The following UNC79 variants were observed in gnomAD, a reference collection of about 807,000 sequenced individuals.
UNC79 encodes protein unc-79 homolog.
Under a neutral mutation model 283.1 loss-of-function variants are expected in UNC79, and 37 were observed. The ratio of observed to expected loss-of-function variants is 0.13; its 90% CI spans 0.10 to 0.17. The LOEUF (loss-of-function observed/expected upper bound fraction) is 0.17. Among genes scored for constraint, UNC79 ranks in the 10% least tolerant of loss-of-function variants. The pLI, the probability that UNC79 is intolerant of heterozygous loss-of-function variation, is 1.00. For missense variants in UNC79, 2,272 were observed against 3,211.1 expected (o/e 0.71, Z 7.07); for synonymous variants, 1,107 against 1,200.2 (o/e 0.92, Z 1.61).
chr14:93,580,742 G>C (rs2063748355), intron 19 of UNC79, among the ~76,000 whole-genome samples: 1 of 151,994 alleles, frequency 6.6e-6, no homozygotes, highest in African/African-American at 2.4e-5. Context: ...GCCTTACTCT[G>C]TCTCCTATGC....
chr14:93,668,978 T>TA (rs543609091), intron 40 of UNC79, among the ~76,000 whole-genome samples: 21,150 of 79,518 alleles, frequency 0.27, 2,954 homozygotes, highest in Middle Eastern at 0.33. Context: ...GAACATTGTC[T>TA]AAAAAAAAAA....
intron 1 of UNC79, among the ~76,000 whole-genome samples, chr14:93,423,074 AAAAAAAAAAAAAAAAAAG>A (rs1339983655): frequency 3.0e-5 from 1 of 33,370 alleles, no homozygotes; most frequent in Non-Finnish European, 9.8e-5. Context: ...AAAAAAAAAA[AAAAAAAAAAAAAAAAAAG>A]AAAAGAAGTC....
chr14:93,505,412 T>C (rs912466330), intron 7 of UNC79, among the ~76,000 whole-genome samples: 2 of 152,146 alleles, frequency 1.3e-5, no homozygotes, highest in African/African-American at 4.8e-5. Context: ...ACAAAGTGCA[T>C]GTCTTTATCT....
At chr14:93,476,493 T>A (rs1439114694) in intron 3 of UNC79, among the ~76,000 whole-genome samples, 1 of 152,194 alleles carries the variant, frequency 6.6e-6, no homozygotes, top group African/African-American at 2.4e-5. Context: ...GTTGACTGAC[T>A]CTGGCCCTCT....
At chr14:93,529,291 A>G (rs748265490) in exon 10 of UNC79, 1 of 1,613,606 alleles carries the variant, frequency 6.2e-7, no homozygotes, top group African/African-American at 1.3e-5. Context: ...AATAGGGACC[A>G]CAGTGAGTGG....
Position 93,369,343 on chromosome 14 carries a change from C to CTTCCAGT in UNC79, c.-351+35829_-351+35835dup, listed in dbSNP as rs760837695. 1.0e-3 allele frequency among the ~76,000 whole-genome samples: 157 copies of CTTCCAGT among 152,346 alleles called. 1 individual carries two copies. Among genetic ancestry groups the CTTCCAGT allele is most frequent in the Non-Finnish European group, 1.5e-3 (105 of 68,038 alleles). On this transcript the variant is annotated intron_variant, in intron 1 of 49. Coordinates refer to the UNC79 transcript ENST00000256339. The stretch of plus-strand genomic sequence containing the variant: ...ATTTTTACAAATTGTAGTATAGAGA[C>CTTCCAGT]TTCCAGTTTCCAGTTCTGCATGTGA...
intron 41 of UNC79, among the ~76,000 whole-genome samples, chr14:93,681,303 C>T (rs2073827294): frequency 6.6e-6 from 1 of 152,218 alleles, no homozygotes; most frequent in African/African-American, 2.4e-5. Context: ...GGAGGACGCC[C>T]CTCCCACACT....
At chr14:93,585,373 A>G (rs1057145147) in intron 20 of UNC79, among the ~76,000 whole-genome samples, 2 of 152,096 alleles carry the variant, frequency 1.3e-5, no homozygotes, top group Admixed American at 1.3e-4. Context: ...GTGTTCAGAG[A>G]CTTCCCCTCC....
At chr14:93,544,746 G>A (rs1377431035) in intron 14 of UNC79, among the ~76,000 whole-genome samples, 2 of 152,164 alleles carry the variant, frequency 1.3e-5, no homozygotes, top group African/African-American at 4.8e-5. Flanking sequence ...TTAATGGTTG[G>A]GATAGATTAT....
Position 93,617,054 on chromosome 14 carries a change from T to G in UNC79, c.4042-68T>G. ...ATTTTAACCACTGGGATGGCTCAAATTTTTCCTTTTGACCTCTGAGTGTTC... is the reference window on the plus strand; with the variant it reads ...ATTTTAACCACTGGGATGGCTCAAAGTTTTCCTTTTGACCTCTGAGTGTTC... On this transcript the variant is annotated intron_variant, in intron 27 of 48. Transcript: ENST00000555664. The surrounding 1 kb of genome is among the most constrained non-coding windows in gnomAD (Gnocchi z 4.5). The G allele has an allele frequency of 3.5e-6, 5 of 1,448,816 alleles. No individual in the cohort carries two copies. Among genetic ancestry groups the G allele is most frequent in the Non-Finnish European group, 4.6e-6 (5 of 1,077,578 alleles). The allele number at this position is 1,448,816 out of a possible 1,614,324, so 89.7% of individuals were successfully genotyped here.
At chr14:93,657,031 G>T (rs2071020710) in intron 38 of UNC79, among the ~76,000 whole-genome samples, 1 of 152,194 alleles carries the variant, frequency 6.6e-6, no homozygotes, top group East Asian at 1.9e-4. Context: ...AAGGGATAAT[G>T]CAGGGACCCT....
chr14:93,523,905 TA>T, intron 7 of UNC79, 72 bp from the exon 8 acceptor site: 1 of 1,511,380 alleles, frequency 6.6e-7, no homozygotes, highest in Non-Finnish European at 9.1e-7. Flanking sequence ...AAGAAAATAG[TA>T]AAATATCTGT....
chr14:93,348,172 G>T (rs2053907553), intron 1 of UNC79: 20 of 1,189,020 alleles, frequency 1.7e-5, no homozygotes, highest in Non-Finnish European at 2.4e-5. Flanking sequence ...TTCAGAAAAA[G>T]CTGTGTTTTT....
At chr14:93,357,238 T>C (rs2054103547) in intron 1 of UNC79, among the ~76,000 whole-genome samples, 1 of 152,180 alleles carries the variant, frequency 6.6e-6, no homozygotes, top group African/African-American at 2.4e-5. Context: ...TAGTATTCCA[T>C]GGTGTTTATA....
At chr14:93,600,046 A>G (rs981797980) in intron 24 of UNC79, among the ~76,000 whole-genome samples, 5 of 151,630 alleles carry the variant, frequency 3.3e-5, no homozygotes, top group Admixed American at 6.6e-5. Flanking sequence ...TAAAAATACA[A>G]AAAATTAGCC....
At chr14:93,616,366 C>CTT (rs71463917) in intron 27 of UNC79, among the ~76,000 whole-genome samples, 13 of 96,226 alleles carry the variant, frequency 1.4e-4, no homozygotes, top group Admixed American at 2.3e-4. Flanking sequence ...TTCTTTTTTC[C>CTT]TTTTTTTTTT....
intron 22 of UNC79, among the ~76,000 whole-genome samples, chr14:93,592,536 T>C (rs2064772175): frequency 6.6e-6 from 1 of 152,172 alleles, no homozygotes; most frequent in South Asian, 2.1e-4. Flanking sequence ...TGTGAACTTT[T>C]TAAAATTGTT....
chr14:93,486,270 C>A (rs2058425928), intron 4 of UNC79, among the ~76,000 whole-genome samples: 2 of 152,086 alleles, frequency 1.3e-5, no homozygotes, highest in African/African-American at 2.4e-5. Flanking sequence ...CTGCAATTTT[C>A]CCTGAGAAAA....
chr14:93,517,328 T>C (rs35632284), intron 7 of UNC79, among the ~76,000 whole-genome samples: 239 of 68,198 alleles, frequency 3.5e-3, no homozygotes, highest in East Asian at 0.012. Context: ...TCCTTCTCTT[T>C]TTTTTTTTTT....
Sources: allele counts gnomAD v4.1 joint callset (sites outside exome capture counted in the v4.1 genomes callset), GRCh38; gene constraint gnomAD v4.1.1; non-coding constraint Gnocchi (gnomAD v3.1); transcripts MANE v1.5; gene names NCBI Gene and HGNC (gene_info 2026-07-23, HGNC 2026-07-21).